NRXN2: variants seen among roughly 807,000 people sequenced by gnomAD.
The protein encoded by NRXN2 is neurexin-2-beta.
NRXN2 carries 29 observed loss-of-function variants against 128.8 expected under a neutral mutation model. The observed-to-expected ratio is 0.23, with a 90% confidence interval of 0.17 to 0.31. The LOEUF is 0.31. Among genes scored for constraint, NRXN2 ranks in the 10% least tolerant of loss-of-function variants. The pLI is 1.00. For synonymous variants in NRXN2, 1,098 were observed against 1,075.2 expected, an observed-to-expected ratio of 1.02 and a Z score of -0.41; for missense variants, 1,881 against 2,452.6, an observed-to-expected ratio of 0.77 and a Z score of 4.92.
intron 1 of NRXN2, among the ~76,000 whole-genome samples, chr11:64,717,503 CA>C (rs1390052833): frequency 1.3e-5 from 2 of 152,188 alleles, no homozygotes; most frequent in Admixed American, 1.3e-4. Flanking sequence ...GTGGGTGGGG[CA>C]GGGGGTGGCT....
rs972975503 is a variant in NRXN2 at position 64,719,175 on chromosome 11, C to T, written c.-245+3796G>A. On this transcript the variant is annotated intron_variant, in intron 1 of 22. Transcript: ENST00000265459. ...CTCGGCCTTTTACAGTTTGCAGTAC[C>T]GAGTGCCTAGTGTTTCCTCTGATCC... Among the ~76,000 whole-genome samples the T allele has an allele frequency of 3.9e-5, 6 of 152,062 alleles. No homozygotes were observed. In the South Asian group the frequency reaches 6.2e-4, roughly 16 times the overall value.
chr11:64,626,892 C>G (rs1384634932), intron 19 of NRXN2, among the ~76,000 whole-genome samples: 1 of 152,202 alleles, frequency 6.6e-6, no homozygotes, highest in Non-Finnish European at 1.5e-5. Context: ...CCTTCCTTCC[C>G]CATCCCAAAG....
rs781265629 is a variant in NRXN2 at position 64,650,495 on chromosome 11, C to T, written c.3062G>A (p.Arg1021His). 3.7e-6 allele frequency: 6 copies of T among 1,613,998 alleles called. No homozygotes were observed. The highest frequency in any genetic ancestry group is 1.7e-5 in the Admixed American group (1 of 60,002). Residue 1021 changes from arginine (R) to histidine (H), a missense_variant, in exon 15 of 23, where the codon CGC (arginine) becomes CAC (histidine). Arg to His is a conservative substitution (Grantham distance 29). This residue lies in a region of NRXN2 where 390 missense variants were observed against 599.6 expected (regional missense o/e 0.65). Transcript: ENST00000265459. Reference sequence around the variant, plus strand: ...GCCATTGGAGTGCTGCGTGACAGTGCGGGAGTCAATCTTGAGCGTGTGCAC... The same window carrying T: ...GCCATTGGAGTGCTGCGTGACAGTGTGGGAGTCAATCTTGAGCGTGTGCAC... Reference protein sequence around the residue: ...GNVHTLKIDSRTVTQHSNGAR... With the variant: ...GNVHTLKIDSHTVTQHSNGAR...
intron 7 of NRXN2, among the ~76,000 whole-genome samples, chr11:64,669,571 A>G (rs1174003667): frequency 6.6e-6 from 1 of 152,178 alleles, no homozygotes; most frequent in Non-Finnish European, 1.5e-5. Flanking sequence ...AGGGGGGCTC[A>G]GCGGTGGCCT....
chr11:64,683,137 CCA>C (rs1186106745), intron 6 of NRXN2, among the ~76,000 whole-genome samples: 2 of 152,194 alleles, frequency 1.3e-5, no homozygotes, highest in Admixed American at 6.5e-5. Context: ...AACCTGGAAG[CCA>C]CAGTGTTCTC....
At chr11:64,624,981 C>T (rs562266034) in intron 20 of NRXN2, among the ~76,000 whole-genome samples, 3 of 152,332 alleles carry the variant, frequency 2.0e-5, no homozygotes, top group South Asian at 2.1e-4. Flanking sequence ...CATCACTGCC[C>T]CATCAGGAGA....
At chr11:64,674,418 C>T (rs1454870866) in intron 7 of NRXN2, among the ~76,000 whole-genome samples, 4 of 152,136 alleles carry the variant, frequency 2.6e-5, no homozygotes, top group Non-Finnish European at 5.9e-5. Context: ...CCTTGAACTC[C>T]TGGACTCAGG....
rs1016683734 is a variant in NRXN2, at chr11:64,606,990, G to A, written c.*206C>T. On this transcript the variant is annotated 3_prime_UTR_variant, in exon 23 of 23. Transcript: ENST00000265459. ...AGAGCTGAGAGGGACAGTCAGCCCC[G>A]GGACTGACGAGGCCGCGCAGTGGAC... is the stretch of plus-strand genomic sequence containing the variant. 9 of 595,228 alleles carry A rather than the reference G, an allele frequency of 1.5e-5. No homozygotes were observed. The highest frequency in any genetic ancestry group is 9.0e-5 in the Admixed American group (3 of 33,438). The allele number at this position is 595,228 out of a possible 1,614,324, so 36.9% of individuals were successfully genotyped here.
At chr11:64,678,301 G>C (rs139248651) in intron 6 of NRXN2, among the ~76,000 whole-genome samples, 1 of 151,966 alleles carries the variant, frequency 6.6e-6, no homozygotes, top group African/African-American at 2.4e-5. Flanking sequence ...TGAATTTTCA[G>C]AACTTTCCCC....
At position 64,606,304 on chromosome 11, in the gene NRXN2, A is replaced by C. The variant is rs1420082645; in HGVS notation, c.*892T>G. The C allele has an allele frequency of 6.6e-6, 1 of 152,548 alleles. No homozygotes were observed. Among genetic ancestry groups the C allele is most frequent in the Non-Finnish European group, 1.5e-5 (1 of 68,034 alleles). 9.4% of individuals were successfully genotyped at this position (152,548 alleles called of 1,614,324 possible). ...GGGAGCAGGGAGCCCGTGGGCAAAG[A>C]AGTGACCCCAGCAGTCTGTGGACAA... is the stretch of plus-strand genomic sequence containing the variant. On this transcript the variant is annotated 3_prime_UTR_variant, in exon 23 of 23. Coordinates refer to ENST00000265459, the MANE Select transcript of NRXN2 (RefSeq NM_015080.4).
rs985763314 is a variant in NRXN2, at chr11:64,713,952, G to A, written c.-244-9C>T. Reference sequence around the variant, plus strand: ...AGAGCAGGGAGGGATGCCTGCGGGAGAACAGAGAGGAAAGGGTTAATGAGA... The same window carrying A: ...AGAGCAGGGAGGGATGCCTGCGGGAAAACAGAGAGGAAAGGGTTAATGAGA... On this transcript the variant is annotated splice_polypyrimidine_tract_variant and intron_variant, in intron 1 of 22. Transcript: ENST00000265459. 3.5e-4 allele frequency: 56 copies of A among 158,032 alleles called. No homozygotes were observed. Among genetic ancestry groups the A allele is most frequent in the Non-Finnish European group, 7.1e-4 (51 of 72,020 alleles). The allele number at this position is 158,032 out of a possible 1,614,324, so 9.8% of individuals were successfully genotyped here.
At chr11:64,688,630 C>T (rs2053416898) in intron 5 of NRXN2, 1 of 985,244 alleles carries the variant, frequency 1.0e-6, no homozygotes, top group Non-Finnish European at 1.2e-6. Context: ...CTCCCAGCAG[C>T]GCTTGCACAA....
At chr11:64,645,247 C>T (rs1278063284) in intron 17 of NRXN2, among the ~76,000 whole-genome samples, 3 of 151,788 alleles carry the variant, frequency 2.0e-5, no homozygotes, top group Admixed American at 6.6e-5. Flanking sequence ...AGGGAGGAGC[C>T]GGTGGCGAGA....
At chr11:64,609,001 G>C (rs535106671) in intron 22 of NRXN2, among the ~76,000 whole-genome samples, 18 of 152,258 alleles carry the variant, frequency 1.2e-4, no homozygotes, top group African/African-American at 4.3e-4. Flanking sequence ...GTGGCCACGG[G>C]AGGCGAGACA....
At chr11:64,612,641 A>G (rs1188282421) in intron 22 of NRXN2, among the ~76,000 whole-genome samples, 1 of 152,200 alleles carries the variant, frequency 6.6e-6, no homozygotes, top group Non-Finnish European at 1.5e-5. Flanking sequence ...TTCTGCCCTT[A>G]GGGCACAGAA....
At chr11:64,614,510 G>A (rs1239937304) in intron 22 of NRXN2, among the ~76,000 whole-genome samples, 1 of 152,232 alleles carries the variant, frequency 6.6e-6, no homozygotes, top group African/African-American at 2.4e-5. Flanking sequence ...AGGACTGGGA[G>A]GAACTTCCCA....
rs2047037119 is a variant in NRXN2, at chr11:64,648,562, G to T, written c.3283+172C>A. Among the ~76,000 whole-genome samples, 1 of 152,218 alleles carries T rather than the reference G, an allele frequency of 6.6e-6. No homozygotes were observed. Among genetic ancestry groups the T allele is most frequent in the South Asian group, 2.1e-4 (1 of 4,834 alleles). ...GGGTGTGAGACAACAGGGAGGGCAAGTGACCCTTCACACACCTGTATCCCT... is the reference window on the plus strand; with the variant it reads ...GGGTGTGAGACAACAGGGAGGGCAATTGACCCTTCACACACCTGTATCCCT... On this transcript the variant is annotated intron_variant, in intron 16 of 22. Coordinates refer to ENST00000265459, the MANE Select transcript of NRXN2 (RefSeq NM_015080.4). This position sits in a 1 kb window ranked among gnomAD's most constrained non-coding sequence, Gnocchi z 4.1.
intron 22 of NRXN2, among the ~76,000 whole-genome samples, chr11:64,613,933 G>C (rs2041072049): frequency 2.0e-5 from 3 of 152,118 alleles, no homozygotes; most frequent in Admixed American, 2.0e-4. Flanking sequence ...TGGAGTCTGG[G>C]CACTGAGGGA....
chr11:64,720,522 G>C (rs1188702958), intron 1 of NRXN2, among the ~76,000 whole-genome samples: 10 of 152,168 alleles, frequency 6.6e-5, no homozygotes, highest in Non-Finnish European at 1.3e-4. Flanking sequence ...AGGTGTAGGT[G>C]GGGGCTGGAC....
Sources: allele counts gnomAD v4.1 joint callset (sites outside exome capture counted in the v4.1 genomes callset), GRCh38; gene constraint gnomAD v4.1.1; regional missense constraint gnomAD v4.1.1; non-coding constraint Gnocchi (gnomAD v3.1); transcripts MANE v1.5; gene names NCBI Gene and HGNC (gene_info 2026-07-23, HGNC 2026-07-21).